PREP: variants seen among roughly 807,000 people sequenced by gnomAD.
PREP encodes dJ355L5.1 (prolyl endopeptidase).
In PREP, 29 loss-of-function variants were observed where a neutral mutation model predicts 87.6. The ratio of observed to expected loss-of-function variants is 0.33; its 90% CI spans 0.25 to 0.45. PREP has a LOEUF of 0.45. PREP is among the 20% of genes least tolerant of loss of function. The pLI, the probability that PREP is intolerant of heterozygous loss-of-function variation, is 1.00. For missense variants in PREP, 695 were observed against 886.5 expected, an observed-to-expected ratio of 0.78 and a Z score of 2.74; for synonymous variants, 337 against 328.6, an observed-to-expected ratio of 1.03 and a Z score of -0.28.
intron 2 of PREP, among the ~76,000 whole-genome samples, chr6:105,379,168 A>G (rs1772771454): frequency 6.6e-6 from 1 of 152,246 alleles, no homozygotes; most frequent in Non-Finnish European, 1.5e-5. Context: ...CAGAAATACA[A>G]TTCCAACTAT....
Position 105,278,790 on chromosome 6 carries a change from A to G in PREP, c.1839-352T>C, listed in dbSNP as rs765222871. Among the ~76,000 whole-genome samples, 29 of 152,176 alleles carry G rather than the reference A, an allele frequency of 1.9e-4. No individual in the cohort carries two copies. The highest frequency in any genetic ancestry group is 3.7e-4 in the Non-Finnish European group (25 of 68,030). Reference sequence around the variant, plus strand: ...AAGTGGAGTAATAATTGTCATTATAACCACACTCAGTGGTTCAAAAAAAGT... The same window carrying G: ...AAGTGGAGTAATAATTGTCATTATAGCCACACTCAGTGGTTCAAAAAAAGT... On this transcript the variant is annotated intron_variant, in intron 14 of 14. Coordinates refer to ENST00000652536, the MANE Select transcript of PREP (RefSeq NM_002726.5). The surrounding 1 kb of genome is among the most constrained non-coding windows in gnomAD (Gnocchi z 4.2).
chr6:105,301,178 CAGA>C (rs1246365633), intron 10 of PREP, among the ~76,000 whole-genome samples: 1 of 152,224 alleles, frequency 6.6e-6, no homozygotes, highest in African/African-American at 2.4e-5. Flanking sequence ...CCCCTTCAGA[CAGA>C]AGAATGTCTG....
intron 5 of PREP, among the ~76,000 whole-genome samples, chr6:105,373,113 A>G (rs1772599419): frequency 6.6e-6 from 1 of 152,246 alleles, no homozygotes; most frequent in African/African-American, 2.4e-5. Flanking sequence ...CCACAGATAC[A>G]TGTTAGAACT....
At chr6:105,305,556 A>AG (rs746085014) in intron 10 of PREP, among the ~76,000 whole-genome samples, 19 of 152,174 alleles carry the variant, frequency 1.2e-4, no homozygotes, top group African/African-American at 4.1e-4. Context: ...AAAACGGGGC[A>AG]GGGGGGACAT....
chr6:105,285,798 C>T (rs1770179167), intron 11 of PREP, among the ~76,000 whole-genome samples: 1 of 152,128 alleles, frequency 6.6e-6, no homozygotes, highest in Admixed American at 6.5e-5. Context: ...TTTTTTGAGA[C>T]AGAGTCTCAC....
At chr6:105,376,286 G>A (rs542538090) in intron 3 of PREP, 31 bp from the exon 4 acceptor site, 6 of 1,598,014 alleles carry the variant, frequency 3.8e-6, no homozygotes, top group Non-Finnish European at 5.1e-6. Flanking sequence ...TTATTCAGCT[G>A]TGGAGTTTTC....
intron 10 of PREP, chr6:105,323,192 A>T (rs908588077): frequency 1.8e-6 from 2 of 1,116,328 alleles, no homozygotes; most frequent in Non-Finnish European, 2.4e-6. Flanking sequence ...ACAATTAATT[A>T]ATTTATTCAT....
chr6:105,382,877 T>G (rs1045003995), intron 2 of PREP, among the ~76,000 whole-genome samples: 2 of 152,158 alleles, frequency 1.3e-5, no homozygotes, highest in Admixed American at 1.3e-4. Flanking sequence ...TTGAGGAGCA[T>G]CTGTTACAAA....
chr6:105,365,895 A>T (rs1282708926), intron 6 of PREP, among the ~76,000 whole-genome samples: 5 of 150,540 alleles, frequency 3.3e-5, no homozygotes, highest in Non-Finnish European at 5.9e-5. Context: ...TTTTTTTTTA[A>T]ACAACTTCAT....
intron 10 of PREP, among the ~76,000 whole-genome samples, chr6:105,317,530 T>C (rs1350911597): frequency 6.6e-6 from 1 of 152,164 alleles, no homozygotes; most frequent in Non-Finnish European, 1.5e-5. Flanking sequence ...ATCATATTAG[T>C]GGAAAAACAT....
chr6:105,286,133 T>G (rs1442389316), intron 11 of PREP, among the ~76,000 whole-genome samples: 1 of 152,206 alleles, frequency 6.6e-6, no homozygotes, highest in African/African-American at 2.4e-5. Flanking sequence ...TGATAAATAT[T>G]TCACTACACC....
chr6:105,302,523 T>C (rs1770559002), intron 10 of PREP: 4 of 394,180 alleles, frequency 1.0e-5, no homozygotes, highest in Non-Finnish European at 2.0e-5. Flanking sequence ...GGTCTTCAGG[T>C]TCTCCTCGTG....
In PREP at chr6:105,323,669, A is replaced by G. The variant is rs773520387; in HGVS notation, c.1313T>C (p.Val438Ala). The G allele has an allele frequency of 6.2e-7, 1 of 1,606,446 alleles. No homozygotes were observed. Among genetic ancestry groups the G allele is most frequent in the Non-Finnish European group, 8.5e-7 (1 of 1,172,988 alleles). Residue 438 changes from valine (V) to alanine (A), a missense_variant, in exon 10 of 15, where the codon GTC becomes GCC. Val to Ala is a moderately conservative substitution (Grantham distance 64). Transcript: ENST00000652536. ...ATGAGATCATATTCTCCATACCTGG[A>G]CTGTCTGGTAATCAGAAGCATCAAT... Reference protein sequence around the residue: ...KGIDASDYQTVQIFYPSKDGT... With the variant: ...KGIDASDYQTAQIFYPSKDGT...
intron 6 of PREP, 135 bp downstream of exon 6, chr6:105,368,768 A>C (rs1583088181): frequency 9.5e-7 from 1 of 1,056,092 alleles, no homozygotes; most frequent in Non-Finnish European, 1.3e-6. Flanking sequence ...CAATCTGAAT[A>C]CCAATATTTT....
intron 2 of PREP, among the ~76,000 whole-genome samples, chr6:105,392,738 G>A (rs527419235): frequency 2.6e-4 from 39 of 152,234 alleles, no homozygotes; most frequent in Admixed American, 6.5e-4. Flanking sequence ...CGCCATGCAC[G>A]GCTAATTTTT....
chr6:105,328,704 T>C (rs1217155863), intron 9 of PREP, 125 bp downstream of exon 9: 3 of 1,000,942 alleles, frequency 3.0e-6, no homozygotes, highest in East Asian at 5.2e-5. Flanking sequence ...TCCCATTAAG[T>C]AATTTTGGCT....
chr6:105,382,519 A>C (rs1772872243), intron 2 of PREP, among the ~76,000 whole-genome samples: 1 of 152,244 alleles, frequency 6.6e-6, no homozygotes, highest in Admixed American at 6.5e-5. Context: ...TAAATTAAAA[A>C]TACTGTTCAC....
intron 6 of PREP, among the ~76,000 whole-genome samples, chr6:105,353,508 C>T (rs1348903159): frequency 1.3e-5 from 2 of 152,020 alleles, no homozygotes; most frequent in African/African-American, 2.4e-5. Context: ...CAGTGGTTCA[C>T]GCCTGTAATC....
At chr6:105,364,153 G>A (rs147075451) in intron 6 of PREP, among the ~76,000 whole-genome samples, 7 of 152,284 alleles carry the variant, frequency 4.6e-5, no homozygotes, top group African/African-American at 1.4e-4. Flanking sequence ...GGTAGAGGGC[G>A]AAAGCATGTA....
Sources: allele counts gnomAD v4.1 joint callset (sites outside exome capture counted in the v4.1 genomes callset), GRCh38; gene constraint gnomAD v4.1.1; non-coding constraint Gnocchi (gnomAD v3.1); transcripts MANE v1.5; gene names NCBI Gene and HGNC (gene_info 2026-07-23, HGNC 2026-07-21).